The following DDX60L variants were observed in gnomAD, a reference collection of about 807,000 sequenced individuals.
DDX60L encodes DExD/H-box 60 like, also known as probable ATP-dependent RNA helicase DDX60-like.
Under a neutral mutation model 211.6 loss-of-function variants are expected in DDX60L, and 191 were observed. That is an observed-to-expected ratio of 0.90 (90% CI 0.80 to 1.02). The LOEUF is 1.02. Among genes scored for constraint, DDX60L ranks in the 50% least tolerant of loss-of-function variants. The probability of loss-of-function intolerance (pLI) is 0.00; values close to 1 mark genes in which losing one functional copy is unlikely to be tolerated. For synonymous variants in DDX60L, 706 were observed against 694.1 expected (o/e 1.02, Z -0.27); for missense variants, 2,007 against 1,984.1 (o/e 1.01, Z -0.22).
intron 35 of DDX60L, among the ~76,000 whole-genome samples, chr4:168,372,705 C>A (rs1741240906): frequency 6.9e-6 from 1 of 144,244 alleles, no homozygotes; most frequent in African/African-American, 2.5e-5. Context: ...CCAGCCTGGG[C>A]AAGAGAGTGA....
Position 168,462,016 on chromosome 4 carries a change from A to G in DDX60L, c.289T>C (p.Phe97Leu). 5 of 1,607,832 alleles carry G rather than the reference A, an allele frequency of 3.1e-6. No individual in the cohort carries two copies. The highest frequency in any genetic ancestry group is 4.3e-6 in the Non-Finnish European group (5 of 1,176,016). Residue 97 changes from phenylalanine (F) to leucine (L), a missense_variant, in exon 5 of 38, where the codon TTT (phenylalanine) becomes CTT (leucine). Coordinates refer to ENST00000682922, the MANE Select transcript of DDX60L (RefSeq NM_001012967.3). ...GTCCTCAATGAAAGAAGTTCAGGAA[A>G]ATCAAAATATGCATATTCAGCATCC... ...FKDAEYAYFD[F>L]PELLSLRTAL... is the part of the protein sequence containing the mutation.
chr4:168,446,811 G>A, intron 9 of DDX60L, among the ~76,000 whole-genome samples: 1 of 122,796 alleles, frequency 8.1e-6, no homozygotes, highest in Admixed American at 9.1e-5. Flanking sequence ...ATGGTGCTGG[G>A]AAAACTGGCT....
chr4:168,412,299 TGCAGGCCCTG>T (rs1748817332), intron 22 of DDX60L, among the ~76,000 whole-genome samples: 1 of 151,948 alleles, frequency 6.6e-6, no homozygotes, highest in Non-Finnish European at 1.5e-5. Flanking sequence ...GGTCCCCAAG[TGCAGGCCCTG>T]GCTCTTGGAT....
chr4:168,365,901 A>G (rs765825763), intron 36 of DDX60L, among the ~76,000 whole-genome samples: 1 of 152,180 alleles, frequency 6.6e-6, no homozygotes, highest in African/African-American at 2.4e-5. Context: ...GATAAATAGC[A>G]TTAACAGGAA....
chr4:168,479,687 G>A (rs567178912), intron 1 of DDX60L, among the ~76,000 whole-genome samples: 16 of 152,202 alleles, frequency 1.1e-4, no homozygotes, highest in Non-Finnish European at 2.2e-4. Flanking sequence ...GCTTAAATCC[G>A]GCCGGGCGCG....
intron 1 of DDX60L, among the ~76,000 whole-genome samples, chr4:168,478,130 C>T (rs887145732): frequency 6.6e-6 from 1 of 150,926 alleles, no homozygotes; most frequent in Non-Finnish European, 1.5e-5. Flanking sequence ...AGGAAGGGAG[C>T]CAAGAAATTT....
intron 14 of DDX60L, among the ~76,000 whole-genome samples, chr4:168,425,595 C>G (rs1268034810): frequency 6.6e-6 from 1 of 152,116 alleles, no homozygotes; most frequent in East Asian, 1.9e-4. Context: ...AACCCCGTCT[C>G]TACTAAAAAT....
intron 36 of DDX60L, among the ~76,000 whole-genome samples, chr4:168,370,870 G>T (rs1740880014): frequency 6.7e-6 from 1 of 149,910 alleles, no homozygotes; most frequent in Non-Finnish European, 1.5e-5. Context: ...TGTTTCCATG[G>T]CTAAATTCTT....
chr4:168,378,269 T>C, intron 33 of DDX60L, 85 bp downstream of exon 33: 1 of 718,936 alleles, frequency 1.4e-6, no homozygotes, highest in Non-Finnish European at 2.1e-6. Flanking sequence ...TATATTAATT[T>C]AACCCTATAG....
chr4:168,446,533 T>G (rs1754825383), intron 9 of DDX60L, among the ~76,000 whole-genome samples: 1 of 152,186 alleles, frequency 6.6e-6, no homozygotes, highest in South Asian at 2.1e-4. Flanking sequence ...AAAACTACTT[T>G]AAAGTTCATA....
chr4:168,380,232 G>T (rs1387328), intron 30 of DDX60L: 5,046 of 154,778 alleles, frequency 0.033, 119 homozygotes, highest in Non-Finnish European at 0.052. Flanking sequence ...AATGGAATTA[G>T]GTAGATTGCA....
Position 168,451,633 on chromosome 4 carries a change from C to T in DDX60L, c.996+1491G>A, listed in dbSNP as rs73863609. ...CCTCTATATTTGGATGTCTACAATG[C>T]GCTCTATGCACTTCAGCCAAAGAAC... On this transcript the variant is annotated intron_variant, in intron 8 of 37. Coordinates refer to ENST00000682922, the MANE Select transcript of DDX60L (RefSeq NM_001012967.3). 6.5e-3 allele frequency among the ~76,000 whole-genome samples: 991 copies of T among 152,300 alleles called. 14 individuals carry two copies. The highest frequency in any genetic ancestry group is 0.02 in the African/African-American group (820 of 41,558).
chr4:168,387,786 G>A (rs912768600), intron 29 of DDX60L, among the ~76,000 whole-genome samples: 10 of 152,134 alleles, frequency 6.6e-5, no homozygotes, highest in Non-Finnish European at 1.5e-4. Flanking sequence ...AAGTGGGCAC[G>A]GCAAATGAAG....
rs77323764 is a variant in DDX60L at position 168,403,091 on chromosome 4, T to C, written c.3338+891A>G. Among the ~76,000 whole-genome samples the C allele has an allele frequency of 7.9e-3, 1,209 of 152,332 alleles. 7 individuals are homozygous for C. The highest frequency in any genetic ancestry group is 0.024 in the African/African-American group (1,015 of 41,558). ...ACTGGAAAGTAATCTAGATAGATGTTATAACATGTTGGCAGAATACCTCAT... is the reference window on the plus strand; with the variant it reads ...ACTGGAAAGTAATCTAGATAGATGTCATAACATGTTGGCAGAATACCTCAT... On this transcript the variant is annotated intron_variant, in intron 25 of 37. Coordinates refer to ENST00000682922, the MANE Select transcript of DDX60L (RefSeq NM_001012967.3).
intron 37 of DDX60L, among the ~76,000 whole-genome samples, chr4:168,360,623 T>C (rs566087985): frequency 6.6e-6 from 1 of 152,224 alleles, no homozygotes; most frequent in Admixed American, 6.5e-5. Context: ...CAATGGAGCA[T>C]AGAGAAAGGA....
At chr4:168,390,387 G>T in intron 29 of DDX60L, 1 of 1,222,492 alleles carries the variant, frequency 8.2e-7, no homozygotes, top group South Asian at 3.5e-5. Flanking sequence ...AAGGTGATAT[G>T]GTCTATAGCT....
At chr4:168,426,935 T>C in intron 14 of DDX60L, 135 bp downstream of exon 14, 1 of 1,037,492 alleles carries the variant, frequency 9.6e-7, no homozygotes, top group Non-Finnish European at 1.4e-6. Flanking sequence ...ATAACTATCT[T>C]AAAGGGTCAT....
chr4:168,442,435 C>T (rs1754028798), intron 9 of DDX60L, among the ~76,000 whole-genome samples: 1 of 152,106 alleles, frequency 6.6e-6, no homozygotes, highest in South Asian at 2.1e-4. Flanking sequence ...GGAGGGGCGG[C>T]AGCGAGGCTG....
At chr4:168,400,407 G>T (rs531932536) in intron 26 of DDX60L, among the ~76,000 whole-genome samples, 2 of 152,244 alleles carry the variant, frequency 1.3e-5, no homozygotes, top group African/African-American at 4.8e-5. Context: ...GGGTTGAATG[G>T]TATTTCTGTC....
Sources: allele counts gnomAD v4.1 joint callset (sites outside exome capture counted in the v4.1 genomes callset), GRCh38; gene constraint gnomAD v4.1.1; transcripts MANE v1.5; gene names NCBI Gene and HGNC (gene_info 2026-07-23, HGNC 2026-07-21).